The following SUGCT variants were observed in gnomAD, a reference collection of about 807,000 sequenced individuals.
The protein encoded by SUGCT is succinyl-CoA:glutarate-CoA transferase.
Under a neutral mutation model 55.0 loss-of-function variants are expected in SUGCT, and 41 were observed. The observed-to-expected ratio is 0.74, with a 90% confidence interval of 0.58 to 0.97. The LOEUF (loss-of-function observed/expected upper bound fraction) is 0.97. SUGCT is among the 50% of genes least tolerant of loss of function. The pLI is 0.00. For missense variants in SUGCT, 568 were observed against 547.8 expected (o/e 1.04, Z -0.37); for synonymous variants, 187 against 200.4 (o/e 0.93, Z 0.56).
intron 12 of SUGCT, among the ~76,000 whole-genome samples, chr7:40,526,458 A>G (rs1364661015): frequency 6.6e-6 from 1 of 152,190 alleles, no homozygotes; most frequent in Non-Finnish European, 1.5e-5. Flanking sequence ...ATGCATTAAA[A>G]TAATCTTTAG....
chr7:40,802,359 G>A, intron 13 of SUGCT, among the ~76,000 whole-genome samples: 1 of 151,846 alleles, frequency 6.6e-6, no homozygotes. Flanking sequence ...TCACCTTCAA[G>A]TTGTCTTCTT....
chr7:40,633,550 A>G (rs1799888477), intron 12 of SUGCT, among the ~76,000 whole-genome samples: 1 of 152,190 alleles, frequency 6.6e-6, no homozygotes. Flanking sequence ...TAGCCAGGAA[A>G]GCGATACCTT....
chr7:40,234,421 C>A (rs1219050146), intron 6 of SUGCT, among the ~76,000 whole-genome samples: 2 of 152,196 alleles, frequency 1.3e-5, no homozygotes, highest in Admixed American at 1.3e-4. Context: ...TGCCCTGGAA[C>A]TCATTCTCTA....
intron 9 of SUGCT, among the ~76,000 whole-genome samples, chr7:40,400,893 T>C (rs1035719855): frequency 6.6e-6 from 1 of 152,076 alleles, no homozygotes; most frequent in African/African-American, 2.4e-5. Flanking sequence ...GGGGAAAAGA[T>C]TTTTGCACCC....
chr7:40,503,533 T>C (rs1792415151), intron 12 of SUGCT, among the ~76,000 whole-genome samples: 1 of 151,992 alleles, frequency 6.6e-6, no homozygotes, highest in African/African-American at 2.4e-5. Context: ...AAAACATGCA[T>C]AGAGATTTGG....
intron 12 of SUGCT, among the ~76,000 whole-genome samples, chr7:40,708,757 A>AT (rs576111597): frequency 1.1e-4 from 17 of 151,936 alleles, no homozygotes; most frequent in Non-Finnish European, 1.8e-4. Context: ...GCTTGCTCAA[A>AT]TATCACCTCT....
At chr7:40,912,185 A>T in the SUGCT span, among the ~76,000 whole-genome samples, 1 of 152,154 alleles carries the variant, frequency 6.6e-6, no homozygotes. Flanking sequence ...TTCAATGTTT[A>T]CAATACCTAT....
chr7:41,031,994 AAT>A, the SUGCT span, among the ~76,000 whole-genome samples: 46 of 53,862 alleles, frequency 8.5e-4, no homozygotes, highest in Non-Finnish European at 1.8e-3. Flanking sequence ...GTAGGGTCTC[AAT>A]GAATGAATGA....
At chr7:40,197,712 T>C (rs1449197647) in intron 6 of SUGCT, among the ~76,000 whole-genome samples, 1 of 152,216 alleles carries the variant, frequency 6.6e-6, no homozygotes, top group Non-Finnish European at 1.5e-5. Context: ...CCAAGTCCAA[T>C]ACCAATGGGT....
At chr7:40,384,381 T>C (rs1785011719) in intron 9 of SUGCT, among the ~76,000 whole-genome samples, 1 of 152,146 alleles carries the variant, frequency 6.6e-6, no homozygotes, top group Admixed American at 6.5e-5. Context: ...CTATTAGTTC[T>C]CCTGTGAAGA....
intron 9 of SUGCT, among the ~76,000 whole-genome samples, chr7:40,440,193 T>C (rs1788439317): frequency 7.0e-6 from 1 of 143,232 alleles, no homozygotes; most frequent in Admixed American, 7.1e-5. Flanking sequence ...TGGTTCCTGC[T>C]CTGTTGCCCA....
At position 40,592,762 on chromosome 7, in the gene SUGCT, A is replaced by G. The variant is rs2151736878; in HGVS notation, c.1089+96376A>G. ...GTACCAAAACAAAAAAAGAGGTAGTAGCAAGTCTATGTTTTGTTTTGTTTC... is the reference window on the plus strand; with the variant it reads ...GTACCAAAACAAAAAAAGAGGTAGTGGCAAGTCTATGTTTTGTTTTGTTTC... On this transcript the variant is annotated intron_variant, in intron 12 of 13. Transcript: ENST00000335693. 3.3e-5 allele frequency among the ~76,000 whole-genome samples: 5 copies of G among 152,300 alleles called. No individual in the cohort carries two copies. In the South Asian group the frequency reaches 1.0e-3, roughly 32 times the overall value.
chr7:40,526,660 A>G (rs906198422), intron 12 of SUGCT, among the ~76,000 whole-genome samples: 30 of 152,148 alleles, frequency 2.0e-4, no homozygotes, highest in African/African-American at 2.4e-4. Flanking sequence ...AATGGAGTCA[A>G]TCACTTTACA....
chr7:40,665,729 G>C (rs958889167), intron 12 of SUGCT, among the ~76,000 whole-genome samples: 3 of 152,062 alleles, frequency 2.0e-5, no homozygotes, highest in Non-Finnish European at 2.9e-5. Context: ...TTGGGGAACG[G>C]AGGCAGTGAG....
intron 7 of SUGCT, among the ~76,000 whole-genome samples, chr7:40,258,612 C>T (rs6462967): frequency 0.37 from 55,730 of 151,978 alleles, 10,230 homozygotes; most frequent in East Asian, 0.46. Context: ...CTCCTGACCT[C>T]GTGATCCACC....
chr7:40,907,124 TGTGTGTGTGTGTGTGTGAGAGA>T, the SUGCT span, among the ~76,000 whole-genome samples: 84 of 76,954 alleles, frequency 1.1e-3, no homozygotes, highest in African/African-American at 4.1e-3. Flanking sequence ...TGTGTGTGTG[TGTGTGTGTGTGTGTGTGAGAGA>T]GAGAGAGAGA....
intron 12 of SUGCT, among the ~76,000 whole-genome samples, chr7:40,561,777 T>G (rs1221355588): frequency 6.8e-6 from 1 of 147,334 alleles, no homozygotes; most frequent in African/African-American, 2.5e-5. Context: ...CTGCAACCTC[T>G]GCTTCCCAGG....
intron 1 of SUGCT, among the ~76,000 whole-genome samples, chr7:40,157,448 T>C (rs991809082): frequency 2.0e-5 from 3 of 152,214 alleles, no homozygotes; most frequent in African/African-American, 7.2e-5. Context: ...GGGAAAATGA[T>C]GTATGTCTTG....
chr7:40,796,632 T>A (rs1790567560), intron 13 of SUGCT, among the ~76,000 whole-genome samples: 1 of 152,154 alleles, frequency 6.6e-6, no homozygotes, highest in Admixed American at 6.5e-5. Context: ...TAAAGTAACT[T>A]GTTTGAGATT....
Sources: gnomAD v4.1 joint callset for allele counts (sites outside exome capture counted in the v4.1 genomes callset) on GRCh38, gnomAD v4.1.1 for gene constraint, MANE v1.5 for transcripts, NCBI Gene and HGNC (gene_info 2026-07-23, HGNC 2026-07-21) for gene names.